HYKK: variants seen among roughly 807,000 people sequenced by gnomAD.
The protein encoded by HYKK is 5-hydroxy-L-lysine kinase.
In HYKK, 19 loss-of-function variants were observed where a neutral mutation model predicts 29.7. The ratio of observed to expected loss-of-function variants is 0.64; its 90% CI spans 0.45 to 0.94. The LOEUF (loss-of-function observed/expected upper bound fraction) is 0.94. HYKK is among the 40% of genes least tolerant of loss of function. HYKK has a pLI of 0.00. For synonymous variants in HYKK, 152 were observed against 158.1 expected (o/e 0.96, Z 0.29); for missense variants, 390 against 443.4 (o/e 0.88, Z 1.08).
intron 3 of HYKK, among the ~76,000 whole-genome samples, chr15:78,519,004 CT>C (rs1268155814): frequency 6.6e-6 from 1 of 151,556 alleles, no homozygotes; most frequent in African/African-American, 2.4e-5. Context: ...ATATTGTAAC[CT>C]TTTTTTCTGA....
At position 78,529,125 on chromosome 15, in the gene HYKK, G is replaced by A. The variant is rs182724081; in HGVS notation, c.661+1562G>A. Among the ~76,000 whole-genome samples, 40 of 152,268 alleles carry A rather than the reference G, an allele frequency of 2.6e-4. 2 individuals carry two copies. In the East Asian group the frequency reaches 7.1e-3, roughly 27 times the overall value. On this transcript the variant is annotated intron_variant, in intron 4 of 4. Transcript: ENST00000388988. ...GCCTATGATCTGGATGATTGCAGTAGCCTTATAACTGGTCTCCCTGCTCCT... is the reference window on the plus strand; with the variant it reads ...GCCTATGATCTGGATGATTGCAGTAACCTTATAACTGGTCTCCCTGCTCCT...
intron 1 of HYKK, among the ~76,000 whole-genome samples, chr15:78,510,997 G>T (rs962667006): frequency 6.9e-6 from 1 of 143,914 alleles, no homozygotes; most frequent in Non-Finnish European, 1.5e-5. Context: ...ATAGAGAAGC[G>T]GGTCTCATTA....
rs2052335533 is a variant in HYKK, at chr15:78,533,705, C to T, written c.*35C>T. On this transcript the variant is annotated 3_prime_UTR_variant, in exon 5 of 5. Transcript: ENST00000388988. ...CCATGTGACTCAAAGTTCACTTTAA[C>T]TTGGGTAATTAAAATAGGACCCAGT... is the stretch of plus-strand genomic sequence containing the variant. 6.7e-7 allele frequency: 1 copy of T among 1,503,592 alleles called. No homozygotes were observed. Among genetic ancestry groups the T allele is most frequent in the Non-Finnish European group, 9.2e-7 (1 of 1,090,042 alleles). The allele number at this position is 1,503,592 out of a possible 1,614,324, so 93.1% of individuals were successfully genotyped here.
At chr15:78,514,890 C>CTG in intron 2 of HYKK, 78 bp from the exon 3 acceptor site, 1 of 235,480 alleles carries the variant, frequency 4.2e-6, no homozygotes, top group Non-Finnish European at 5.7e-6. Context: ...ATCTAAATAC[C>CTG]TCTCTCTCTC....
At chr15:78,512,558 C>T (rs1053826196) in intron 1 of HYKK, among the ~76,000 whole-genome samples, 33 of 151,936 alleles carry the variant, frequency 2.2e-4, no homozygotes, top group South Asian at 2.1e-4. Context: ...CCCACCACCA[C>T]GCCCAGCCAA....
chr15:78,519,959 C>G (rs980119486), intron 3 of HYKK, among the ~76,000 whole-genome samples: 3 of 152,176 alleles, frequency 2.0e-5, no homozygotes, highest in African/African-American at 7.2e-5. Flanking sequence ...GAACTTTCAA[C>G]TTTTCCTGCT....
At chr15:78,532,623 C>T (rs1304759828) in intron 4 of HYKK, among the ~76,000 whole-genome samples, 3 of 151,966 alleles carry the variant, frequency 2.0e-5, no homozygotes, top group African/African-American at 4.8e-5. Flanking sequence ...GGTGAAACTC[C>T]GTCTCTACTA....
Position 78,515,061 on chromosome 15 carries a change from T to C in HYKK, c.431T>C (p.Leu144Ser), listed in dbSNP as rs766699103. Residue 144 changes from leucine to serine, a missense_variant, in exon 3 of 5, where the codon TTG becomes TCG. Physicochemically the swap from Leu to Ser is moderately radical, Grantham distance 145. Transcript: ENST00000388988. The part of the protein sequence containing the change: ...IAELPVSPQL[L>S]YEIGKLAAKL... ...GAGCTTCCCGTCAGCCCCCAGCTAT[T>C]GTATGAAATTGGAAAACTAGCTGCC... 6.9e-6 allele frequency: 11 copies of C among 1,599,372 alleles called. No homozygotes were observed. The highest frequency in any genetic ancestry group is 8.5e-6 in the Non-Finnish European group (10 of 1,172,064).
intron 2 of HYKK, 40 bp from the exon 3 acceptor site, chr15:78,514,928 A>AT: frequency 2.2e-6 from 2 of 899,130 alleles, no homozygotes; most frequent in Non-Finnish European, 3.1e-6. Flanking sequence ...ATATATATAT[A>AT]AATAATTTAG....
intron 4 of HYKK, among the ~76,000 whole-genome samples, chr15:78,530,209 T>A (rs199990709): frequency 0.024 from 3,565 of 150,070 alleles, 97 homozygotes; most frequent in African/African-American, 0.069. Flanking sequence ...TATTTTTTTT[T>A]TTTTTTTTTG....
intron 2 of HYKK, among the ~76,000 whole-genome samples, chr15:78,514,350 C>T (rs1472284558): frequency 1.3e-5 from 2 of 152,120 alleles, no homozygotes; most frequent in Admixed American, 1.3e-4. Context: ...GAGAATGGAC[C>T]TAATTCAGCT....
rs28558252 is a variant in HYKK, at chr15:78,520,329, C to T, written c.477+5222C>T. Among the ~76,000 whole-genome samples, 693 of 151,922 alleles carry T rather than the reference C, an allele frequency of 4.6e-3. 4 individuals carry two copies. Among genetic ancestry groups the T allele is most frequent in the African/African-American group, 0.015 (627 of 41,438 alleles). ...CATAGGACAATAGTGGAGGGAAGGTCAGCAGATAAACAAGTGAACAAAGGT... is the reference window on the plus strand; with the variant it reads ...CATAGGACAATAGTGGAGGGAAGGTTAGCAGATAAACAAGTGAACAAAGGT... On this transcript the variant is annotated intron_variant, in intron 3 of 4. Transcript: ENST00000388988.
intron 2 of HYKK, among the ~76,000 whole-genome samples, chr15:78,514,511 A>G (rs2052106996): frequency 6.6e-6 from 1 of 152,126 alleles, no homozygotes; most frequent in Non-Finnish European, 1.5e-5. Context: ...AGACACAGTT[A>G]TTGTCCTGTG....
At chr15:78,531,162 C>T (rs1200199654) in intron 4 of HYKK, among the ~76,000 whole-genome samples, 1 of 152,082 alleles carries the variant, frequency 6.6e-6, no homozygotes, top group Non-Finnish European at 1.5e-5. Flanking sequence ...CACATCCGGC[C>T]CTCCAGTTTG....
At chr15:78,537,219 C>T (rs1234691638), downstream of HYKK, 1 of 499,514 alleles carries the variant, frequency 2.0e-6, no homozygotes, top group Admixed American at 3.3e-5. Flanking sequence ...ACCTATCCAT[C>T]CTTCCATCCC....
intron 4 of HYKK, among the ~76,000 whole-genome samples, chr15:78,530,150 C>T (rs1437423773): frequency 6.6e-6 from 1 of 150,934 alleles, no homozygotes; most frequent in Non-Finnish European, 1.5e-5. Flanking sequence ...TTTTTTACAG[C>T]TTTATTGAGA....
At position 78,508,767 on chromosome 15, in the gene HYKK, G is replaced by A. The variant is rs183339531; in HGVS notation, c.-6+1096G>A. On this transcript the variant is annotated intron_variant, in intron 1 of 4. Transcript: ENST00000388988. ...TAAAAATAATAAAATCAAAAAGACA[G>A]CCATGATGGCTTGCACCTGTAATCC... is the stretch of plus-strand genomic sequence containing the variant. Among the ~76,000 whole-genome samples, 12 of 151,490 alleles carry A rather than the reference G, an allele frequency of 7.9e-5. No individual in the cohort carries two copies. In the East Asian group the frequency reaches 2.1e-3, roughly 27 times the overall value.
chr15:78,510,099 TTCTC>T (rs558402496), intron 1 of HYKK, among the ~76,000 whole-genome samples: 27 of 149,796 alleles, frequency 1.8e-4, no homozygotes, highest in East Asian at 1.8e-3. Flanking sequence ...TTTTCTTTCT[TTCTC>T]TCTCTCTCTT....
At chr15:78,528,449 T>C in intron 4 of HYKK, 1 of 985,416 alleles carries the variant, frequency 1.0e-6, no homozygotes, top group Non-Finnish European at 1.2e-6. Context: ...GACAGGTGTT[T>C]CTCTAGGCTA....
Sources: allele counts gnomAD v4.1 joint callset (sites outside exome capture counted in the v4.1 genomes callset), GRCh38; gene constraint gnomAD v4.1.1; transcripts MANE v1.5; gene names NCBI Gene and HGNC (gene_info 2026-07-23, HGNC 2026-07-21).